FGF12: variants seen among roughly 807,000 people sequenced by gnomAD.
The protein encoded by FGF12 is fibroblast growth factor 12B.
In FGF12, 14 loss-of-function variants were observed where a neutral mutation model predicts 23.6. The ratio of observed to expected loss-of-function variants is 0.59; its 90% CI spans 0.39 to 0.93. The LOEUF (loss-of-function observed/expected upper bound fraction) is 0.93. FGF12 is among the 40% of genes least tolerant of loss of function. The probability of loss-of-function intolerance (pLI) is 0.00; values close to 1 mark genes in which losing one functional copy is unlikely to be tolerated. For synonymous variants in FGF12, 62 were observed against 77.3 expected (o/e 0.80, Z 1.04); for missense variants, 175 against 217.8 (o/e 0.80, Z 1.24).
chr3:192,351,364 C>A (rs977035199), intron 3 of FGF12, among the ~76,000 whole-genome samples: 3 of 152,186 alleles, frequency 2.0e-5, no homozygotes, highest in African/African-American at 7.2e-5. Flanking sequence ...AGAGAAAGAA[C>A]CTGGACTGGA....
intron 2 of FGF12, among the ~76,000 whole-genome samples, chr3:192,563,989 T>C (rs1712155402): frequency 6.6e-6 from 1 of 152,190 alleles, no homozygotes; most frequent in South Asian, 2.1e-4. Flanking sequence ...AACCTGTCCA[T>C]ATATTAGGAG....
intron 2 of FGF12, among the ~76,000 whole-genome samples, chr3:192,422,492 CATTGGCT>C (rs1427217918): frequency 1.3e-5 from 2 of 152,088 alleles, no homozygotes; most frequent in African/African-American, 2.4e-5. Flanking sequence ...TTCCCCAGGC[CATTGGCT>C]AGATTCCCTC....
intron 2 of FGF12, among the ~76,000 whole-genome samples, chr3:192,404,726 G>T (rs778674935): frequency 6.6e-6 from 1 of 152,112 alleles, no homozygotes; most frequent in Admixed American, 6.5e-5. Flanking sequence ...CCAGTTCAGG[G>T]TCTCCAATAT....
intron 2 of FGF12, among the ~76,000 whole-genome samples, chr3:192,372,509 A>G (rs138872549): frequency 6.6e-6 from 1 of 152,264 alleles, no homozygotes; most frequent in African/African-American, 2.4e-5. Context: ...CTCCAAGAAC[A>G]CATCCATCAG....
intron 2 of FGF12, among the ~76,000 whole-genome samples, chr3:192,724,096 A>G (rs368695496): frequency 2.2e-5 from 3 of 138,470 alleles, no homozygotes; most frequent in Non-Finnish European, 3.1e-5. Context: ...AGGAAGGAAG[A>G]AAGGAAGGAA....
At chr3:192,609,731 C>T (rs187344465) in intron 2 of FGF12, among the ~76,000 whole-genome samples, 1 of 152,152 alleles carries the variant, frequency 6.6e-6, no homozygotes, top group East Asian at 1.9e-4. Context: ...AAAGTGTTGT[C>T]TTCTGAAACA....
intron 2 of FGF12, among the ~76,000 whole-genome samples, chr3:192,701,358 T>G (rs1172842646): frequency 6.6e-6 from 1 of 152,194 alleles, no homozygotes; most frequent in Non-Finnish European, 1.5e-5. Context: ...CCGACCACTC[T>G]GGGCACATGT....
chr3:192,495,022 G>T (rs961791837), intron 2 of FGF12, among the ~76,000 whole-genome samples: 1 of 151,936 alleles, frequency 6.6e-6, no homozygotes, highest in Non-Finnish European at 1.5e-5. Context: ...CACCTCGCCC[G>T]GCCAATTTTT....
intron 4 of FGF12, among the ~76,000 whole-genome samples, chr3:192,275,222 C>A (rs757643332): frequency 6.6e-6 from 1 of 150,776 alleles, no homozygotes; most frequent in Non-Finnish European, 1.5e-5. Flanking sequence ...TTCCTCATCA[C>A]CAAGCCAAAA....
rs1253025835 is a variant in FGF12 at position 192,365,723 on chromosome 3, A to G, written c.14-5185T>C. On this transcript the variant is annotated intron_variant, in intron 2 of 5. Coordinates refer to ENST00000445105, the MANE Select transcript of FGF12 (RefSeq NM_004113.6). ...CTGCTTCCCATCAGGATGACATGGC[A>G]ATTTCAGCAGAACGTTTGAATTCAG... 2.0e-5 allele frequency among the ~76,000 whole-genome samples: 3 copies of G among 152,122 alleles called. No individual in the cohort carries two copies. The East Asian group carries it at 5.8e-4, about 29-fold the overall frequency.
At chr3:192,470,390 T>TGTTGTTGTA (rs1723136471) in intron 2 of FGF12, among the ~76,000 whole-genome samples, 1 of 152,160 alleles carries the variant, frequency 6.6e-6, no homozygotes, top group Non-Finnish European at 1.5e-5. Context: ...TTGTTGTTGT[T>TGTTGTTGTA]GTTGTTGTAG....
At chr3:192,595,320 T>C (rs1713794485) in intron 2 of FGF12, among the ~76,000 whole-genome samples, 1 of 152,240 alleles carries the variant, frequency 6.6e-6, no homozygotes, top group Admixed American at 6.5e-5. Context: ...TGGGAACCAA[T>C]GTCTAGAATA....
intron 2 of FGF12, among the ~76,000 whole-genome samples, chr3:192,464,837 AG>A (rs1488389512): frequency 6.6e-6 from 1 of 152,134 alleles, no homozygotes. Context: ...TAGAGACAGT[AG>A]GTGCAGACAC....
At chr3:192,565,192 G>A (rs1712219627) in intron 2 of FGF12, among the ~76,000 whole-genome samples, 1 of 152,132 alleles carries the variant, frequency 6.6e-6, no homozygotes, top group African/African-American at 2.4e-5. Context: ...AAATAAACTG[G>A]CTTAAAGCTT....
At chr3:192,420,855 ACACT>A (rs371655682) in intron 2 of FGF12, among the ~76,000 whole-genome samples, 11 of 152,336 alleles carry the variant, frequency 7.2e-5, no homozygotes, top group African/African-American at 2.2e-4. Flanking sequence ...ATCTCAGTAC[ACACT>A]CACAGCTCAT....
At chr3:192,720,510 T>A (rs1505444) in intron 2 of FGF12, among the ~76,000 whole-genome samples, 11,736 of 152,190 alleles carry the variant, frequency 0.077, 863 homozygotes, top group East Asian at 0.19. Context: ...CATAGATCCT[T>A]AAAAAATCCT....
At chr3:192,240,507 T>C (rs1719559995) in intron 4 of FGF12, among the ~76,000 whole-genome samples, 1 of 152,220 alleles carries the variant, frequency 6.6e-6, no homozygotes, top group South Asian at 2.1e-4. Context: ...AGCTGTTATA[T>C]GCAAAAGATT....
intron 4 of FGF12, among the ~76,000 whole-genome samples, chr3:192,181,243 G>A (rs972159703): frequency 5.9e-5 from 9 of 152,024 alleles, no homozygotes; most frequent in Non-Finnish European, 1.2e-4. Context: ...GGCATTCAAT[G>A]AAGACCTCAG....
intron 2 of FGF12, among the ~76,000 whole-genome samples, chr3:192,538,984 T>C (rs1454575542): frequency 2.0e-5 from 3 of 152,250 alleles, no homozygotes; most frequent in African/African-American, 4.8e-5. Flanking sequence ...TTATGTATGT[T>C]AATTTTGTAT....
Sources: gnomAD v4.1 joint callset for allele counts (sites outside exome capture counted in the v4.1 genomes callset) on GRCh38, gnomAD v4.1.1 for gene constraint, MANE v1.5 for transcripts, NCBI Gene and HGNC (gene_info 2026-07-23, HGNC 2026-07-21) for gene names.